The following UPRT variants were observed in gnomAD, a reference collection of about 807,000 sequenced individuals.
The protein encoded by UPRT is RP11-311P8.3.
In UPRT, 5 loss-of-function variants were observed where a neutral mutation model predicts 22.6. The observed-to-expected ratio is 0.22, with a 90% confidence interval of 0.12 to 0.47. The LOEUF (loss-of-function observed/expected upper bound fraction) is 0.47, where lower values mean the gene tolerates loss of function less well. UPRT is among the 20% of genes least tolerant of loss of function. The pLI is 0.99. For missense variants in UPRT, 181 were observed against 239.9 expected (o/e 0.75, Z 1.62); for synonymous variants, 77 against 87.7 (o/e 0.88, Z 0.68).
upstream of UPRT, among the ~76,000 whole-genome samples, chrX:75,269,681 T>C (rs866928946): frequency 1.7e-4 from 19 of 111,350 alleles, 1 homozygote; most frequent in Middle Eastern, 8.3e-3. Flanking sequence ...ATAAATGGTG[T>C]TGGGAAAACA....
chrX:75,266,628 GA>G (rs2147674556), intron 4 of UPRT, among the ~76,000 whole-genome samples: 1 of 111,379 alleles, frequency 9.0e-6, no homozygotes, highest in East Asian at 2.8e-4. Context: ...CACAGCAAAA[GA>G]AACTACCATC....
upstream of UPRT, among the ~76,000 whole-genome samples, chrX:75,272,309 T>TAC (rs1335844715): frequency 7.8e-5 from 1 of 12,784 alleles, no homozygotes; most frequent in East Asian, 0.026. Context: ...TGTATATATA[T>TAC]GTGTATATAT....
chrX:75,158,789 G>A (rs1465981012), intron 1 of UPRT, among the ~76,000 whole-genome samples: 1 of 111,026 alleles, frequency 9.0e-6, no homozygotes, highest in Admixed American at 9.6e-5. Context: ...TTATCTTTCA[G>A]GTCTCAAAAC....
chrX:75,300,734 C>T, intron 5 of UPRT, 133 bp from the exon 6 acceptor site: 3 of 464,538 alleles, frequency 6.5e-6, no homozygotes, highest in Middle Eastern at 6.7e-4. Flanking sequence ...CTGCAGTGGG[C>T]CGAGATCATG....
At position 75,255,071 on chromosome X, in the gene UPRT, G is replaced by A. The variant is rs944507917; in HGVS notation, c.-446-35953G>A. Among the ~76,000 whole-genome samples the A allele has an allele frequency of 4.5e-5, 5 of 110,523 alleles. No homozygotes were observed. The East Asian group carries it at 8.6e-4, about 19-fold the overall frequency. The stretch of plus-strand genomic sequence containing the variant: ...ATTACAGGCGTGAGCCACCGCGCCC[G>A]GCCAGGAAAGAATCTTAAGAGCTGT... On this transcript the variant is annotated intron_variant, in intron 4 of 13. Coordinates refer to the UPRT transcript ENST00000652605.
At chrX:75,177,763 G>C (rs1446232847) in intron 4 of UPRT, among the ~76,000 whole-genome samples, 1 of 111,958 alleles carries the variant, frequency 8.9e-6, no homozygotes, top group African/African-American at 3.2e-5. Flanking sequence ...CACTACAACG[G>C]GGCTTTGGGC....
chrX:75,218,166 A>G (rs1461670153), intron 4 of UPRT, among the ~76,000 whole-genome samples: 1 of 111,757 alleles, frequency 8.9e-6, no homozygotes. Flanking sequence ...TCCAGAATCT[A>G]CAATGAACTC....
At chrX:75,207,164 C>T (rs1251487748) in intron 4 of UPRT, among the ~76,000 whole-genome samples, 1 of 112,054 alleles carries the variant, frequency 8.9e-6, no homozygotes. Flanking sequence ...AACCCCTTTC[C>T]TGTCAGATTA....
At chrX:75,303,267 A>G (rs950809871) in intron 6 of UPRT, 138 bp from the exon 7 acceptor site, 1 of 466,911 alleles carries the variant, frequency 2.1e-6, no homozygotes, top group African/African-American at 2.5e-5. Flanking sequence ...GAGATTAACC[A>G]AGTCTGATTA....
intron 4 of UPRT, among the ~76,000 whole-genome samples, chrX:75,232,706 C>A (rs1028282083): frequency 1.8e-5 from 2 of 112,151 alleles, no homozygotes; most frequent in Non-Finnish European, 3.8e-5. Context: ...GGTACTCCAA[C>A]AGACCTGCAG....
chrX:75,269,001 T>C (rs1056033744), intron 4 of UPRT, among the ~76,000 whole-genome samples: 4 of 111,877 alleles, frequency 3.6e-5, no homozygotes, highest in African/African-American at 1.3e-4. Context: ...TTTGTACATT[T>C]AGAAAACCCC....
intron 4 of UPRT, among the ~76,000 whole-genome samples, chrX:75,260,145 C>T (rs1175140190): frequency 8.9e-6 from 1 of 112,014 alleles, no homozygotes; most frequent in Non-Finnish European, 1.9e-5. Flanking sequence ...CCAGCCACTG[C>T]AAAAACATGC....
intron 4 of UPRT, among the ~76,000 whole-genome samples, chrX:75,231,256 A>G (rs961864400): frequency 1.8e-5 from 2 of 112,218 alleles, no homozygotes; most frequent in Admixed American, 1.9e-4. Flanking sequence ...TAAAGAAAAG[A>G]CAATCACAGC....
intron 4 of UPRT, among the ~76,000 whole-genome samples, chrX:75,264,552 CT>C (rs1164980874): frequency 9.1e-6 from 1 of 109,530 alleles, no homozygotes; most frequent in Non-Finnish European, 1.9e-5. Flanking sequence ...CAACCCCTTC[CT>C]TTTTTTGTTT....
At chrX:75,287,097 G>GAA (rs1302173340) in intron 1 of UPRT, among the ~76,000 whole-genome samples, 8 of 110,184 alleles carry the variant, frequency 7.3e-5, no homozygotes. Context: ...TGTAATTTAG[G>GAA]ATATATATAT....
At chrX:75,164,064 C>G (rs1483916988) in intron 3 of UPRT, among the ~76,000 whole-genome samples, 1 of 111,403 alleles carries the variant, frequency 9.0e-6, no homozygotes, top group Non-Finnish European at 1.9e-5. Context: ...TTAATCCCAG[C>G]TCCTCAAGAG....
chrX:75,229,769 A>T (rs1277778462), intron 4 of UPRT, among the ~76,000 whole-genome samples: 1 of 112,129 alleles, frequency 8.9e-6, no homozygotes, highest in Non-Finnish European at 1.9e-5. Flanking sequence ...ATCTCACAGA[A>T]GTCCTGGGGG....
In UPRT at chrX:75,304,493, G is replaced by T. The variant is rs1602501355; in HGVS notation, c.*982G>T. Reference sequence around the variant, plus strand: ...AAGATTTGTATATGTTCATCTTTAGGCTTCTGAAAGGGAGAGAAATCATAT... The same window carrying T: ...AAGATTTGTATATGTTCATCTTTAGTCTTCTGAAAGGGAGAGAAATCATAT... On this transcript the variant is annotated 3_prime_UTR_variant, in exon 7 of 7. Transcript: ENST00000373383. 1 of 111,697 alleles carries T rather than the reference G, an allele frequency of 9.0e-6. No individual in the cohort carries two copies. Among genetic ancestry groups the T allele is most frequent in the Non-Finnish European group, 1.9e-5 (1 of 53,168 alleles). 9.2% of individuals were successfully genotyped at this position (111,697 alleles called of 1,213,427 possible).
intron 2 of UPRT, among the ~76,000 whole-genome samples, chrX:75,296,038 T>C (rs746113313): frequency 1.8e-5 from 2 of 112,002 alleles, no homozygotes; most frequent in Non-Finnish European, 3.8e-5. Flanking sequence ...TTGCCATGAC[T>C]GTTGTCACTT....
Sources: gnomAD v4.1 joint callset for allele counts (sites outside exome capture counted in the v4.1 genomes callset) on GRCh38, gnomAD v4.1.1 for gene constraint, MANE v1.5 for transcripts, NCBI Gene and HGNC (gene_info 2026-07-23, HGNC 2026-07-21) for gene names.